CHRNA7: variants seen among roughly 807,000 people sequenced by gnomAD.
CHRNA7 encodes neuronal acetylcholine receptor subunit alpha-7.
In CHRNA7, 17 loss-of-function variants were observed where a neutral mutation model predicts 48.0. The observed-to-expected ratio is 0.35, with a 90% CI of 0.24 to 0.53. The LOEUF is 0.53. Among genes scored for constraint, CHRNA7 ranks in the 20% least tolerant of loss-of-function variants. The pLI is 0.92. For missense variants in CHRNA7, 155 were observed against 577.7 expected (o/e 0.27, Z 7.50); for synonymous variants, 75 against 242.3 (o/e 0.31, Z 6.41).
At chr15:32,049,520 A>G (rs1029372588) in intron 2 of CHRNA7, among the ~76,000 whole-genome samples, 1 of 151,932 alleles carries the variant, frequency 6.6e-6, no homozygotes, top group South Asian at 2.1e-4. Flanking sequence ...TCCATCCTTT[A>G]ATTTTGAGGC....
chr15:32,051,219 C>T (rs1303953415), intron 2 of CHRNA7, among the ~76,000 whole-genome samples: 3 of 151,674 alleles, frequency 2.0e-5, no homozygotes, highest in Admixed American at 1.3e-4. Context: ...GGTTACTGCT[C>T]TCTTTTTGTT....
intron 2 of CHRNA7, among the ~76,000 whole-genome samples, chr15:32,058,446 A>G (rs2049823182): frequency 6.6e-6 from 1 of 152,198 alleles, no homozygotes; most frequent in Non-Finnish European, 1.5e-5. Context: ...CAACAGCGGG[A>G]AGCAGCTGGT....
chr15:32,042,923 A>T (rs2049474459), intron 2 of CHRNA7, among the ~76,000 whole-genome samples: 1 of 152,370 alleles, frequency 6.6e-6, no homozygotes, highest in East Asian at 1.9e-4. Context: ...ACAGGAGCTA[A>T]ATTAAACAAA....
intron 2 of CHRNA7, among the ~76,000 whole-genome samples, chr15:32,067,111 C>A (rs988481570): frequency 2.6e-5 from 4 of 152,188 alleles, no homozygotes; most frequent in African/African-American, 4.8e-5. Flanking sequence ...AGAAAGAATA[C>A]TTGAAGCCAA....
chr15:32,115,963 G>A (rs2050863183), intron 4 of CHRNA7, among the ~76,000 whole-genome samples: 1 of 152,184 alleles, frequency 6.6e-6, no homozygotes, highest in African/African-American at 2.4e-5. Context: ...ACAGGAAATA[G>A]CAAAAATAGT....
chr15:32,055,883 G>T (rs2049779070), intron 2 of CHRNA7, among the ~76,000 whole-genome samples: 2 of 152,080 alleles, frequency 1.3e-5, no homozygotes, highest in Non-Finnish European at 2.9e-5. Context: ...GGAGGCTGAG[G>T]CAGGAGAATG....
chr15:32,052,319 G>A (rs1253625367), intron 2 of CHRNA7, among the ~76,000 whole-genome samples: 1 of 151,966 alleles, frequency 6.6e-6, no homozygotes, highest in Non-Finnish European at 1.5e-5. Flanking sequence ...AATATCATAT[G>A]TGCTCTCTAA....
rs533590364 is a variant in CHRNA7, at chr15:32,152,877, A to G, written c.351-1030A>G. Among the ~76,000 whole-genome samples, 10 of 152,220 alleles carry G rather than the reference A, an allele frequency of 6.6e-5. No homozygotes were observed. In the South Asian group the frequency reaches 2.1e-3, roughly 32 times the overall value. ...AGAAAATAAAAGACAAGGCTAGTAC[A>G]GGCTGTTGGTGTAATTGCTGTTGGG... On this transcript the variant is annotated intron_variant, in intron 4 of 9. Transcript: ENST00000306901.
intron 2 of CHRNA7, among the ~76,000 whole-genome samples, chr15:32,051,219 C>G (rs1303953415): frequency 3.0e-4 from 45 of 151,712 alleles, no homozygotes; most frequent in South Asian, 6.3e-4. Flanking sequence ...GGTTACTGCT[C>G]TCTTTTTGTT....
rs2051573861 is a variant in CHRNA7 at position 32,149,467 on chromosome 15, T to TC, written c.351-4439dup. Among the ~76,000 whole-genome samples the TC allele has an allele frequency of 6.6e-6, 1 of 152,180 alleles. No individual in the cohort carries two copies. The highest frequency in any genetic ancestry group is 1.5e-5 in the Non-Finnish European group (1 of 68,026). On this transcript the variant is annotated intron_variant, in intron 4 of 9. Transcript: ENST00000306901. This position sits in a 1 kb window ranked among gnomAD's most constrained non-coding sequence, Gnocchi z 4.6. ...CATTTCCCACCTCAGATCACTGTTT[T>TC]CAAACTCAGTTTTCAGCAACAGGGC...
intron 3 of CHRNA7, among the ~76,000 whole-genome samples, chr15:32,103,723 C>A (rs899038595): frequency 6.6e-6 from 1 of 152,180 alleles, no homozygotes; most frequent in African/African-American, 2.4e-5. Context: ...TGATTGTCCT[C>A]GCTGCCAGTA....
intron 2 of CHRNA7, among the ~76,000 whole-genome samples, chr15:32,038,036 G>A (rs1003878704): frequency 7.3e-5 from 10 of 136,082 alleles, no homozygotes; most frequent in African/African-American, 2.4e-4. Context: ...TATGATGTTA[G>A]CTATAGGTTT....
Position 32,170,533 on chromosome 15 carries a change from C to T in CHRNA7, c.*2075C>T, listed in dbSNP as rs1433625636. On this transcript the variant is annotated 3_prime_UTR_variant, in exon 10 of 10. Coordinates refer to ENST00000306901, the MANE Select transcript of CHRNA7 (RefSeq NM_000746.6). The stretch of plus-strand genomic sequence containing the variant: ...TCATTATCCCAAAATTGATCCCTCC[C>T]ACATTTTTGCTTTAAAAAGAAACCT... 1.3e-5 allele frequency: 2 copies of T among 150,590 alleles called. No individual in the cohort carries two copies. The highest frequency in any genetic ancestry group is 4.9e-5 in the African/African-American group (2 of 40,592). The allele number at this position is 150,590 out of a possible 1,614,324, so 9.3% of individuals were successfully genotyped here. A position where few individuals can be genotyped will look rare whatever the true frequency, so the allele number is the denominator to read the frequency against.
At chr15:32,082,662 T>G (rs992132773) in intron 2 of CHRNA7, among the ~76,000 whole-genome samples, 1 of 152,204 alleles carries the variant, frequency 6.6e-6, no homozygotes, top group African/African-American at 2.4e-5. Flanking sequence ...ATATGATTAT[T>G]TTGAAAAAAC....
intron 4 of CHRNA7, among the ~76,000 whole-genome samples, chr15:32,127,195 A>C (rs971659808): frequency 6.6e-6 from 1 of 152,150 alleles, no homozygotes; most frequent in Non-Finnish European, 1.5e-5. Flanking sequence ...ATGTGCCACA[A>C]TTTGTGTAAC....
intron 4 of CHRNA7, among the ~76,000 whole-genome samples, chr15:32,140,930 A>G (rs1309965381): frequency 6.6e-6 from 1 of 152,008 alleles, no homozygotes; most frequent in Non-Finnish European, 1.5e-5. Flanking sequence ...GTTTAATTAA[A>G]TCCTATTTGT....
At chr15:32,047,023 G>A (rs369914621) in intron 2 of CHRNA7, among the ~76,000 whole-genome samples, 10 of 143,374 alleles carry the variant, frequency 7.0e-5, no homozygotes, top group Admixed American at 2.8e-4. Flanking sequence ...TGTTCCATTG[G>A]TCTATATCTC....
chr15:32,053,951 G>A (rs115236492), intron 2 of CHRNA7, among the ~76,000 whole-genome samples: 1 of 152,172 alleles, frequency 6.6e-6, no homozygotes, highest in Admixed American at 6.5e-5. Flanking sequence ...AATGCCACCT[G>A]TGAGAGATTC....
intron 3 of CHRNA7, among the ~76,000 whole-genome samples, chr15:32,107,072 T>C (rs889240549): frequency 6.6e-6 from 1 of 152,132 alleles, no homozygotes; most frequent in African/African-American, 2.4e-5. Flanking sequence ...AAGGCTGCTT[T>C]CCTCCACTAA....
Sources: gnomAD v4.1 joint callset for allele counts (sites outside exome capture counted in the v4.1 genomes callset) on GRCh38, gnomAD v4.1.1 for gene constraint, Gnocchi (gnomAD v3.1) non-coding constraint, MANE v1.5 for transcripts, NCBI Gene and HGNC (gene_info 2026-07-23, HGNC 2026-07-21) for gene names.